NTM: variants seen among roughly 807,000 people sequenced by gnomAD.
The protein encoded by NTM is neurotrimin.
Under a neutral mutation model 42.1 loss-of-function variants are expected in NTM, and 13 were observed. That is an observed-to-expected ratio of 0.31 (90% CI 0.20 to 0.49). The LOEUF (loss-of-function observed/expected upper bound fraction) is 0.49. Ranked by LOEUF, NTM falls within the 20% of genes least tolerant of loss-of-function variation. NTM has a pLI of 0.99. For missense variants in NTM, 373 were observed against 452.8 expected (o/e 0.82, Z 1.60); for synonymous variants, 187 against 179.2 (o/e 1.04, Z -0.35).
chr11:131,435,759 C>G lies in NTM; in HGVS notation c.82+64871C>G, dbSNP rs553548096. On this transcript the variant is annotated intron_variant, in intron 1 of 8. Transcript: ENST00000683400. ...AGGGACAATTTGACTTCTTCTTTTC[C>G]TAATTGAATACCCTTTATTTCTTTC... Among the ~76,000 whole-genome samples the G allele has an allele frequency of 3.1e-3, 467 of 152,314 alleles. 2 individuals are homozygous for G. Among genetic ancestry groups the G allele is most frequent in the African/African-American group, 0.011 (451 of 41,574 alleles).
At chr11:132,110,669 G>A (rs1400587095) in intron 2 of NTM, among the ~76,000 whole-genome samples, 1 of 152,080 alleles carries the variant, frequency 6.6e-6, no homozygotes, top group Non-Finnish European at 1.5e-5. Flanking sequence ...AAATTTCAAT[G>A]AATCAACACA....
At chr11:132,137,797 C>G (rs1480783460) in intron 2 of NTM, among the ~76,000 whole-genome samples, 2 of 152,152 alleles carry the variant, frequency 1.3e-5, no homozygotes, top group African/African-American at 4.8e-5. Context: ...ACTCCTGCCA[C>G]TGCTTCCCAG....
chr11:131,603,942 G>C (rs1462205319), intron 1 of NTM, among the ~76,000 whole-genome samples: 1 of 151,804 alleles, frequency 6.6e-6, no homozygotes, highest in Non-Finnish European at 1.5e-5. Flanking sequence ...TCATTTAATA[G>C]ACATGTGGAT....
intron 1 of NTM, among the ~76,000 whole-genome samples, chr11:131,517,689 C>T (rs1420620447): frequency 6.6e-6 from 1 of 152,184 alleles, no homozygotes; most frequent in Non-Finnish European, 1.5e-5. Context: ...GAATAGCCTT[C>T]TAGTCCGCAG....
At chr11:132,046,091 A>G (rs1242746126) in intron 2 of NTM, among the ~76,000 whole-genome samples, 1 of 152,208 alleles carries the variant, frequency 6.6e-6, no homozygotes, top group Non-Finnish European at 1.5e-5. Context: ...GTTACTCAAC[A>G]TATTCAAGCC....
chr11:132,093,628 A>G (rs911620817), intron 2 of NTM, among the ~76,000 whole-genome samples: 1 of 152,168 alleles, frequency 6.6e-6, no homozygotes, highest in Non-Finnish European at 1.5e-5. Flanking sequence ...GAAATTCTCT[A>G]TCAGAGCAAT....
intron 5 of NTM, among the ~76,000 whole-genome samples, chr11:132,308,879 A>G (rs1192203775): frequency 6.6e-6 from 1 of 152,228 alleles, no homozygotes; most frequent in Non-Finnish European, 1.5e-5. Flanking sequence ...AAGCAAAGAA[A>G]AAATACGCTT....
intron 4 of NTM, among the ~76,000 whole-genome samples, chr11:132,300,910 A>T (rs1368678070): frequency 6.6e-6 from 1 of 151,910 alleles, no homozygotes; most frequent in African/African-American, 2.4e-5. Flanking sequence ...TTTGAGCCTT[A>T]TTGTTCTATG....
At position 131,820,230 on chromosome 11, in the gene NTM, G is replaced by T. The variant is rs117525635; in HGVS notation, c.83-91334G>T. 5.9e-4 allele frequency among the ~76,000 whole-genome samples: 90 copies of T among 152,214 alleles called. 1 individual carries two copies. In the East Asian group the frequency reaches 0.017, roughly 29 times the overall value. On this transcript the variant is annotated intron_variant, in intron 1 of 8. Coordinates refer to ENST00000683400, the MANE Select transcript of NTM (RefSeq NM_001352005.2). ...TGGATCCCCACTCTCCATCTTCCCT[G>T]TCTGTCTCCCTCTGCCTTTCCCTTA...
At chr11:131,670,967 A>G (rs1486445607) in intron 1 of NTM, among the ~76,000 whole-genome samples, 1 of 152,102 alleles carries the variant, frequency 6.6e-6, no homozygotes, top group Non-Finnish European at 1.5e-5. Context: ...TTCTGAAAAC[A>G]GACGTCCTTC....
At chr11:131,801,334 G>A (rs905683281) in intron 1 of NTM, among the ~76,000 whole-genome samples, 1 of 152,174 alleles carries the variant, frequency 6.6e-6, no homozygotes, top group Non-Finnish European at 1.5e-5. Context: ...GTGGCCAGCA[G>A]CCCAGCTGAG....
chr11:131,522,070 C>G (rs909608414), intron 1 of NTM, among the ~76,000 whole-genome samples: 1 of 152,070 alleles, frequency 6.6e-6, no homozygotes, highest in East Asian at 1.9e-4. Flanking sequence ...TGGAAAGTGA[C>G]TCTGGGTTCC....
chr11:131,820,497 A>G (rs969818441), intron 1 of NTM, among the ~76,000 whole-genome samples: 5 of 152,210 alleles, frequency 3.3e-5, no homozygotes, highest in African/African-American at 1.2e-4. Context: ...ACATATAAAA[A>G]AGGATGAGAG....
intron 2 of NTM, among the ~76,000 whole-genome samples, chr11:132,100,017 G>A (rs763077868): frequency 6.6e-6 from 1 of 152,040 alleles, no homozygotes; most frequent in African/African-American, 2.4e-5. Flanking sequence ...TCTCCTTTGA[G>A]ACACTGGACT....
At chr11:131,522,032 G>A (rs921465212) in intron 1 of NTM, among the ~76,000 whole-genome samples, 2 of 151,998 alleles carry the variant, frequency 1.3e-5, no homozygotes, top group Non-Finnish European at 1.5e-5. Flanking sequence ...TGAAAGGATC[G>A]CCAGGCAGAT....
rs113355533 is a variant in NTM at position 131,372,700 on chromosome 11, A to G, written c.82+1812A>G. ...TTCTGCCTGTAACATCAAACTGGAGACAATGACCAAACTTCCACCATCAAC... is the reference window on the plus strand; with the variant it reads ...TTCTGCCTGTAACATCAAACTGGAGGCAATGACCAAACTTCCACCATCAAC... On this transcript the variant is annotated intron_variant, in intron 1 of 8. Coordinates refer to ENST00000683400, the MANE Select transcript of NTM (RefSeq NM_001352005.2). 9.7e-3 allele frequency among the ~76,000 whole-genome samples: 1,482 copies of G among 152,122 alleles called. 30 individuals carry two copies. The highest frequency in any genetic ancestry group is 0.033 in the African/African-American group (1,362 of 41,472).
intron 1 of NTM, among the ~76,000 whole-genome samples, chr11:131,391,512 A>G (rs1943980075): frequency 6.6e-6 from 1 of 151,896 alleles, no homozygotes; most frequent in Admixed American, 6.6e-5. Flanking sequence ...GAGCGAAGTG[A>G]CAAAAGGGAT....
chr11:131,993,282 G>A (rs1218909712), intron 2 of NTM, among the ~76,000 whole-genome samples: 2 of 152,106 alleles, frequency 1.3e-5, no homozygotes, highest in African/African-American at 2.4e-5. Flanking sequence ...TAAAGGAGGA[G>A]CCATGCAAAC....
At chr11:131,512,695 C>A (rs1035048456) in intron 1 of NTM, among the ~76,000 whole-genome samples, 9 of 152,216 alleles carry the variant, frequency 5.9e-5, no homozygotes, top group Non-Finnish European at 1.5e-5. Context: ...GTGGAATCCT[C>A]TCCCAGCCCC....
Sources: gnomAD v4.1 joint callset for allele counts (sites outside exome capture counted in the v4.1 genomes callset) on GRCh38, gnomAD v4.1.1 for gene constraint, MANE v1.5 for transcripts, NCBI Gene and HGNC (gene_info 2026-07-23, HGNC 2026-07-21) for gene names.